Variants in DOCK10 observed in about 807,000 individuals in gnomAD.
DOCK10 encodes dedicator of cytokinesis 10.
DOCK10 carries 145 observed loss-of-function variants against 280.1 expected under a neutral mutation model. The ratio of observed to expected loss-of-function variants is 0.52; its 90% CI spans 0.45 to 0.59. The LOEUF (loss-of-function observed/expected upper bound fraction) is 0.59, where lower values mean the gene tolerates loss of function less well. DOCK10 is among the 20% of genes least tolerant of loss of function. The pLI is 0.00. For missense variants in DOCK10, 2,368 were observed against 2,651.7 expected, an observed-to-expected ratio of 0.89 and a Z score of 2.35; for synonymous variants, 915 against 942.2, an observed-to-expected ratio of 0.97 and a Z score of 0.53.
At chr2:224,775,180 C>T (rs1442852981) in intron 51 of DOCK10, 65 bp from the exon 52 acceptor site, 4 of 1,452,008 alleles carry the variant, frequency 2.8e-6, no homozygotes, top group Admixed American at 1.8e-5. Context: ...GCGGGAAGCT[C>T]CCATTCCCTC....
chr2:224,809,981 T>C (rs1693650833), intron 31 of DOCK10, among the ~76,000 whole-genome samples: 1 of 126,082 alleles, frequency 7.9e-6, no homozygotes, highest in Non-Finnish European at 1.7e-5. Flanking sequence ...TGGAGTATTA[T>C]TCAGCCTCAA....
In DOCK10 at chr2:224,806,000, A is replaced by C; in HGVS notation, c.3814+126T>G. On this transcript the variant is annotated intron_variant, in intron 34 of 55. Coordinates refer to ENST00000258390, the MANE Select transcript of DOCK10 (RefSeq NM_014689.3). This position sits in a 1 kb window ranked among gnomAD's most constrained non-coding sequence, Gnocchi z 4.3. ...ATGTAAAAAGACTCTTTGGTTGTATAAATGTAGTATACTTTGCCACGTAGA... is the reference window on the plus strand; with the variant it reads ...ATGTAAAAAGACTCTTTGGTTGTATCAATGTAGTATACTTTGCCACGTAGA... The C allele has an allele frequency of 1.7e-6, 1 of 584,156 alleles. No homozygotes were observed. Among genetic ancestry groups the C allele is most frequent in the Non-Finnish European group, 3.0e-6 (1 of 336,970 alleles). 36.2% of individuals were successfully genotyped at this position (584,156 alleles called of 1,614,324 possible). A position where few individuals can be genotyped will look rare whatever the true frequency, so the allele number is the denominator to read the frequency against.
At chr2:224,785,544 G>A (rs1276797008) in intron 50 of DOCK10, among the ~76,000 whole-genome samples, 1 of 152,066 alleles carries the variant, frequency 6.6e-6, no homozygotes, top group Admixed American at 6.5e-5. Context: ...GCAGTGGCGC[G>A]ATCTCGGCTC....
intron 53 of DOCK10, among the ~76,000 whole-genome samples, chr2:224,772,228 G>A (rs1373340906): frequency 6.6e-6 from 1 of 152,012 alleles, no homozygotes; most frequent in East Asian, 1.9e-4. Flanking sequence ...GACTTCTTTG[G>A]CTTTTAGGGT....
intron 50 of DOCK10, among the ~76,000 whole-genome samples, chr2:224,781,026 G>A (rs1324839293): frequency 1.3e-5 from 2 of 152,124 alleles, no homozygotes; most frequent in African/African-American, 2.4e-5. Context: ...TAAGGACCGC[G>A]CTTGGTAAAC....
At chr2:224,948,052 G>A (rs1348975596) in intron 1 of DOCK10, among the ~76,000 whole-genome samples, 1 of 152,106 alleles carries the variant, frequency 6.6e-6, no homozygotes. Flanking sequence ...TACAATATAG[G>A]AGTATGTTCA....
chr2:224,873,657 C>T (rs1179001989), intron 11 of DOCK10, among the ~76,000 whole-genome samples: 1 of 149,508 alleles, frequency 6.7e-6, no homozygotes, highest in African/African-American at 2.5e-5. Context: ...CACACAATGC[C>T]ATAGGAAACT....
At chr2:224,841,293 A>G (rs1476218858) in intron 23 of DOCK10, among the ~76,000 whole-genome samples, 1 of 152,224 alleles carries the variant, frequency 6.6e-6, no homozygotes, top group African/African-American at 2.4e-5. Flanking sequence ...AAATACAGTA[A>G]TTAACTCAAT....
chr2:224,796,403 T>G lies in DOCK10; in HGVS notation c.4851A>C (p.Leu1617Phe), dbSNP rs1478628423. The change falls in exon 44 of 56, where the codon TTA becomes TTC. Residue 1617 changes from leucine (L) to phenylalanine (F), a missense_variant. By Grantham distance (22) the Leu-to-Phe change is conservative (BLOSUM62 0). Transcript: ENST00000258390. ...HLQLIKAVSQ[L>F]IADAGIGGSR... ...AGCCTCCAATCCCAGCATCGGCTAT[T>G]AACTGGCTCACAGCTTTGATGAGCT... 2 of 1,566,834 alleles carry G rather than the reference T, an allele frequency of 1.3e-6. No individual in the cohort carries two copies. The highest frequency in any genetic ancestry group is 8.7e-7 in the Non-Finnish European group (1 of 1,154,528).
chr2:225,015,207 T>A (rs182534240), intron 1 of DOCK10, among the ~76,000 whole-genome samples: 1 of 152,168 alleles, frequency 6.6e-6, no homozygotes, highest in African/African-American at 2.4e-5. Context: ...TACATGAAAG[T>A]ATAAACATAA....
intron 30 of DOCK10, 138 bp downstream of exon 30, chr2:224,816,479 G>T: frequency 1.6e-6 from 1 of 627,100 alleles, no homozygotes; most frequent in Admixed American, 3.1e-5. Context: ...CTGATTACCT[G>T]GGTCTGATAC....
At chr2:224,914,282 C>A (rs1559746219) in intron 3 of DOCK10, among the ~76,000 whole-genome samples, 1 of 152,004 alleles carries the variant, frequency 6.6e-6, no homozygotes, top group East Asian at 1.9e-4. Flanking sequence ...TTCCAGAACA[C>A]AGAAAAAGAT....
intron 1 of DOCK10, chr2:224,946,722 T>A (rs2126103146): frequency 1.8e-6 from 1 of 569,076 alleles, no homozygotes; most frequent in East Asian, 3.4e-5. Context: ...CCAAATGGAA[T>A]CTTCTGTTCC....
intron 45 of DOCK10, among the ~76,000 whole-genome samples, chr2:224,794,344 C>T (rs1222410512): frequency 6.6e-6 from 1 of 152,164 alleles, no homozygotes; most frequent in African/African-American, 2.4e-5. Context: ...TATGATCCAC[C>T]CAGTATTGAA....
chr2:224,916,791 CG>C lies in DOCK10; in HGVS notation c.244-8del. ...CCCAGGAAACTGTGGCTGCCTGAAA[CG>C]AACAATGAAAAGAAATTGAGTCCTC... On this transcript the variant is annotated splice_region_variant and splice_polypyrimidine_tract_variant and intron_variant, in intron 2 of 55. Transcript: ENST00000258390. The C allele has an allele frequency of 6.2e-7, 1 of 1,603,818 alleles. No individual in the cohort carries two copies. The highest frequency in any genetic ancestry group is 8.5e-7 in the Non-Finnish European group (1 of 1,174,502).
At chr2:224,994,253 AAGTC>A (rs1283064348) in intron 1 of DOCK10, among the ~76,000 whole-genome samples, 2 of 152,206 alleles carry the variant, frequency 1.3e-5, no homozygotes, top group African/African-American at 4.8e-5. Flanking sequence ...ATTCTAGAAA[AAGTC>A]AGCCTGGATT....
intron 1 of DOCK10, among the ~76,000 whole-genome samples, chr2:225,001,706 A>G (rs1051136406): frequency 6.6e-6 from 1 of 152,200 alleles, no homozygotes; most frequent in African/African-American, 2.4e-5. Context: ...TAAACAACAA[A>G]AATTAATTTC....
At chr2:225,001,491 T>C (rs1416587079) in intron 1 of DOCK10, among the ~76,000 whole-genome samples, 1 of 152,038 alleles carries the variant, frequency 6.6e-6, no homozygotes, top group African/African-American at 2.4e-5. Context: ...GGTTTTACCA[T>C]GTTAGCCAGG....
At chr2:224,925,089 C>T (rs114646748) in intron 2 of DOCK10, among the ~76,000 whole-genome samples, 25 of 152,006 alleles carry the variant, frequency 1.6e-4, no homozygotes, top group Non-Finnish European at 3.1e-4. Flanking sequence ...CTTACATGAA[C>T]ACCAGGAGCC....
Sources: gnomAD v4.1 joint callset for allele counts (sites outside exome capture counted in the v4.1 genomes callset) on GRCh38, gnomAD v4.1.1 for gene constraint, Gnocchi (gnomAD v3.1) non-coding constraint, MANE v1.5 for transcripts, NCBI Gene and HGNC (gene_info 2026-07-23, HGNC 2026-07-21) for gene names.